The following CHD9 variants were observed in gnomAD, a reference collection of about 807,000 sequenced individuals.
The protein encoded by CHD9 is chromodomain helicase DNA binding protein 9, also known as ATP-dependent chromatin remodeler CHD9.
A neutral mutation model predicts 316.1 loss-of-function variants in CHD9; 77 were observed. The ratio of observed to expected loss-of-function variants is 0.24; its 90% CI spans 0.20 to 0.29. CHD9 has a LOEUF of 0.29. Ranked by LOEUF, CHD9 falls within the 10% of genes least tolerant of loss-of-function variation. The pLI, the probability that CHD9 is intolerant of heterozygous loss-of-function variation, is 1.00. For missense variants in CHD9, 2,763 were observed against 3,438.1 expected (o/e 0.80, Z 4.91); for synonymous variants, 1,129 against 1,158.3 (o/e 0.97, Z 0.51).
intron 17 of CHD9, among the ~76,000 whole-genome samples, chr16:53,252,552 G>T (rs2050212124): frequency 6.6e-6 from 1 of 152,054 alleles, no homozygotes; most frequent in South Asian, 2.1e-4. Context: ...ATAAATAGCT[G>T]GGACTTAATT....
intron 17 of CHD9, among the ~76,000 whole-genome samples, chr16:53,251,825 T>G (rs2050151365): frequency 6.6e-6 from 1 of 152,130 alleles, no homozygotes; most frequent in Admixed American, 6.5e-5. Context: ...TAAATAAAAT[T>G]TAGATATCCA....
chr16:53,325,359 CT>C lies in CHD9; in HGVS notation c.*467del, dbSNP rs1236278093. On this transcript the variant is annotated 3_prime_UTR_variant, in exon 39 of 39. Coordinates refer to ENST00000447540, the MANE Select transcript of CHD9 (RefSeq NM_001308319.2). ...GTAGAATCTACATCACCATCCATTG[CT>C]TTAATTACATGAAAATGCTCTAGTG... 2 of 153,856 alleles carry C rather than the reference CT, an allele frequency of 1.3e-5. No individual in the cohort carries two copies. Among genetic ancestry groups the C allele is most frequent in the Non-Finnish European group, 2.9e-5 (2 of 68,942 alleles). 9.5% of individuals were successfully genotyped at this position (153,856 alleles called of 1,614,324 possible). A position where few individuals can be genotyped will look rare whatever the true frequency, so the allele number is the denominator to read the frequency against.
chr16:53,203,025 A>C (rs1160164466), intron 2 of CHD9, among the ~76,000 whole-genome samples: 1 of 152,150 alleles, frequency 6.6e-6, no homozygotes, highest in African/African-American at 2.4e-5. Context: ...GTATTTATTG[A>C]TAGTTTGAAG....
At chr16:53,263,950 A>G (rs1442892783) in intron 20 of CHD9, among the ~76,000 whole-genome samples, 1 of 152,110 alleles carries the variant, frequency 6.6e-6, no homozygotes, top group African/African-American at 2.4e-5. Flanking sequence ...ACTGGATAGA[A>G]GATAAATATG....
intron 10 of CHD9, among the ~76,000 whole-genome samples, chr16:53,234,583 C>G (rs539223283): frequency 1.3e-3 from 199 of 151,816 alleles, no homozygotes; most frequent in African/African-American, 4.6e-3. Flanking sequence ...CTGAGAGTAC[C>G]ATGTTATTTT....
In CHD9 at chr16:53,157,113, T is replaced by C; in HGVS notation, c.1024T>C (p.Ser342Pro). 2 of 1,611,400 alleles carry C rather than the reference T, an allele frequency of 1.2e-6. No homozygotes were observed. Among genetic ancestry groups the C allele is most frequent in the Non-Finnish European group, 1.7e-6 (2 of 1,178,390 alleles). Residue 342 changes from serine (S) to proline (P), a missense_variant, in exon 2 of 39, where the codon TCA becomes CCA. Around this residue, in one of 15 missense-constraint regions of CHD9, gnomAD observed 859 missense variants for 890.4 expected, o/e 0.96. Transcript: ENST00000447540. ...LNSNNFQILHSSHPQGNYSNS... is the reference protein window; with the variant it reads ...LNSNNFQILHPSHPQGNYSNS... Reference sequence around the variant, plus strand: ...TTCAAATAATTTCCAAATATTGCATTCATCACATCCTCAGGGTAATTATAG... The same window carrying C: ...TTCAAATAATTTCCAAATATTGCATCCATCACATCCTCAGGGTAATTATAG...
chr16:53,182,911 A>G (rs931299659), intron 2 of CHD9, among the ~76,000 whole-genome samples: 1 of 152,198 alleles, frequency 6.6e-6, no homozygotes, highest in Non-Finnish European at 1.5e-5. Flanking sequence ...TTTATATCAT[A>G]TATGTATGAA....
chr16:53,256,879 A>C (rs1344164659), intron 19 of CHD9, among the ~76,000 whole-genome samples: 3 of 152,168 alleles, frequency 2.0e-5, no homozygotes, highest in Non-Finnish European at 4.4e-5. Flanking sequence ...GTATAGCAGG[A>C]AGTACAGGTG....
intron 1 of CHD9, among the ~76,000 whole-genome samples, chr16:53,090,127 CAA>C (rs995101813): frequency 2.0e-5 from 3 of 152,122 alleles, no homozygotes; most frequent in African/African-American, 7.2e-5. Context: ...CTGACATCTC[CAA>C]AGAGTCTTCC....
chr16:53,240,153 C>T (rs913333288), intron 12 of CHD9, among the ~76,000 whole-genome samples: 1 of 152,074 alleles, frequency 6.6e-6, no homozygotes, highest in Non-Finnish European at 1.5e-5. Flanking sequence ...GTAATCCTCC[C>T]ACCTCAGCCT....
chr16:53,073,956 T>A (rs1017839079), intron 1 of CHD9, among the ~76,000 whole-genome samples: 1 of 152,088 alleles, frequency 6.6e-6, no homozygotes, highest in Non-Finnish European at 1.5e-5. Flanking sequence ...TAGGCAGAGA[T>A]TGGAACAGTT....
chr16:53,128,938 G>T (rs2039092132), intron 1 of CHD9, among the ~76,000 whole-genome samples: 3 of 152,180 alleles, frequency 2.0e-5, no homozygotes, highest in Admixed American at 6.5e-5. Context: ...TAGGAAAGAA[G>T]GTTGTTAGGT....
chr16:53,159,780 T>G (rs2041780373), intron 2 of CHD9, among the ~76,000 whole-genome samples: 1 of 152,128 alleles, frequency 6.6e-6, no homozygotes, highest in Non-Finnish European at 1.5e-5. Flanking sequence ...CAGCTAATTT[T>G]TGTATTTTCA....
intron 20 of CHD9, among the ~76,000 whole-genome samples, chr16:53,265,978 T>G (rs1034312311): frequency 2.5e-4 from 37 of 149,288 alleles, no homozygotes; most frequent in African/African-American, 7.6e-4. Flanking sequence ...AGTTTTTTGT[T>G]TTTTTTTTTA....
At chr16:53,270,601 T>C (rs988825196) in intron 22 of CHD9, among the ~76,000 whole-genome samples, 1 of 152,166 alleles carries the variant, frequency 6.6e-6, no homozygotes, top group Non-Finnish European at 1.5e-5. Flanking sequence ...TTGATAATTA[T>C]TGAATGTGGA....
At chr16:53,111,594 C>T (rs1382085794) in intron 1 of CHD9, among the ~76,000 whole-genome samples, 1 of 152,184 alleles carries the variant, frequency 6.6e-6, no homozygotes, top group Non-Finnish European at 1.5e-5. Flanking sequence ...CAACCCCAGG[C>T]TGATGAAATG....
intron 29 of CHD9, 97 bp downstream of exon 29, chr16:53,293,149 T>C (rs1285566268): frequency 1.8e-6 from 2 of 1,088,458 alleles, no homozygotes; most frequent in Non-Finnish European, 2.7e-6. Context: ...GTGGAAAACA[T>C]ACATAGAATG....
In CHD9 at chr16:53,325,208, A is replaced by G. The variant is rs1280741665; in HGVS notation, c.*313A>G. 4.9e-6 allele frequency: 1 copy of G among 203,844 alleles called. No individual in the cohort carries two copies. Among genetic ancestry groups the G allele is most frequent in the Non-Finnish European group, 1.0e-5 (1 of 100,396 alleles). 12.6% of individuals were successfully genotyped at this position (203,844 alleles called of 1,614,324 possible). On this transcript the variant is annotated 3_prime_UTR_variant, in exon 39 of 39. Transcript: ENST00000447540. ...TTGTATATTTAATATATTTGCAGTG[A>G]ACACAGAATACTTTATGCATATTAC...
At chr16:53,076,599 A>G (rs538842946) in intron 1 of CHD9, among the ~76,000 whole-genome samples, 10 of 151,534 alleles carry the variant, frequency 6.6e-5, no homozygotes, top group African/African-American at 2.4e-4. Flanking sequence ...AGCAAAGAAA[A>G]GAAAAAATAT....
Sources: gnomAD v4.1 joint callset for allele counts (sites outside exome capture counted in the v4.1 genomes callset) on GRCh38, gnomAD v4.1.1 for gene constraint, gnomAD v4.1.1 regional missense constraint, MANE v1.5 for transcripts, NCBI Gene and HGNC (gene_info 2026-07-23, HGNC 2026-07-21) for gene names.